MAGI2: variants seen among roughly 807,000 people sequenced by gnomAD.
The protein encoded by MAGI2 is membrane associated guanylate kinase, WW and PDZ domain containing 2, also known as membrane-associated guanylate kinase, WW and PDZ domain-containing protein 2.
MAGI2 carries 35 observed loss-of-function variants against 133.3 expected under a neutral mutation model. The ratio of observed to expected loss-of-function variants is 0.26; its 90% CI spans 0.20 to 0.35. MAGI2 has a LOEUF of 0.35. Ranked by LOEUF, MAGI2 falls within the 10% of genes least tolerant of loss-of-function variation. The pLI, the probability that MAGI2 is intolerant of heterozygous loss-of-function variation, is 1.00. For synonymous variants in MAGI2, 729 were observed against 710.6 expected (o/e 1.03, Z -0.41); for missense variants, 1,636 against 1,863.4 (o/e 0.88, Z 2.25).
intron 21 of MAGI2, among the ~76,000 whole-genome samples, chr7:78,033,523 C>T (rs1563028695): frequency 6.6e-6 from 1 of 151,234 alleles, no homozygotes; most frequent in Non-Finnish European, 1.5e-5. Flanking sequence ...TTTATACAGG[C>T]TTGTGCAAGG....
intron 1 of MAGI2, among the ~76,000 whole-genome samples, chr7:79,432,909 A>C (rs1847872341): frequency 6.6e-6 from 1 of 152,168 alleles, no homozygotes; most frequent in Non-Finnish European, 1.5e-5. Flanking sequence ...ATGGAGGAAG[A>C]AGCTTTTGCT....
intron 3 of MAGI2, among the ~76,000 whole-genome samples, chr7:78,598,311 AATAT>A (rs1326240456): frequency 6.6e-6 from 1 of 152,134 alleles, no homozygotes; most frequent in African/African-American, 2.4e-5. Context: ...GAGCTCTGGA[AATAT>A]ATTAGACGGT....
intron 1 of MAGI2, among the ~76,000 whole-genome samples, chr7:79,300,935 A>G (rs994786563): frequency 6.6e-6 from 1 of 152,260 alleles, no homozygotes; most frequent in African/African-American, 2.4e-5. Context: ...CTCAGGCTGC[A>G]GCTCCAGAGG....
chr7:78,661,184 A>G (rs1394045860), intron 2 of MAGI2, among the ~76,000 whole-genome samples: 1 of 152,216 alleles, frequency 6.6e-6, no homozygotes, highest in African/African-American at 2.4e-5. Flanking sequence ...AGACAATGAG[A>G]CACAGGTAAG....
intron 11 of MAGI2, among the ~76,000 whole-genome samples, chr7:78,196,211 AGAG>A (rs1828716690): frequency 6.6e-6 from 1 of 151,844 alleles, no homozygotes; most frequent in Non-Finnish European, 1.5e-5. Flanking sequence ...TACTAGATTC[AGAG>A]GAGGTGTCTC....
At chr7:78,545,250 T>C (rs543110366) in intron 3 of MAGI2, among the ~76,000 whole-genome samples, 1 of 135,878 alleles carries the variant, frequency 7.4e-6, no homozygotes, top group African/African-American at 2.8e-5. Flanking sequence ...AGTCTTGCTG[T>C]CATCCAGGCT....
At chr7:78,797,888 GC>G (rs1490697635) in intron 2 of MAGI2, among the ~76,000 whole-genome samples, 2 of 151,914 alleles carry the variant, frequency 1.3e-5, no homozygotes, top group African/African-American at 4.8e-5. Flanking sequence ...ATAATAGGGT[GC>G]ATGGGTGCAT....
At chr7:78,852,133 G>T (rs1793190431) in intron 2 of MAGI2, among the ~76,000 whole-genome samples, 1 of 151,796 alleles carries the variant, frequency 6.6e-6, no homozygotes, top group South Asian at 2.1e-4. Flanking sequence ...TATTATTCGG[G>T]GTTAATTTGT....
intron 1 of MAGI2, among the ~76,000 whole-genome samples, chr7:79,055,268 A>G (rs1343295619): frequency 6.9e-6 from 1 of 144,204 alleles, no homozygotes; most frequent in Non-Finnish European, 1.5e-5. Flanking sequence ...TAAAACATAA[A>G]CTTTGTAAGG....
intron 1 of MAGI2, among the ~76,000 whole-genome samples, chr7:79,017,395 C>T (rs141555702): frequency 0.019 from 2,829 of 152,234 alleles, 39 homozygotes; most frequent in Non-Finnish European, 0.022. Context: ...CATAATCAAC[C>T]CCCCAAGGAC....
At chr7:78,216,890 G>T (rs1007890423) in intron 10 of MAGI2, among the ~76,000 whole-genome samples, 2 of 152,314 alleles carry the variant, frequency 1.3e-5, no homozygotes, top group Middle Eastern at 6.8e-3. Flanking sequence ...GGTAGGGTTG[G>T]TTCCTGCTAA....
At chr7:79,161,983 T>G (rs1224689855) in intron 1 of MAGI2, among the ~76,000 whole-genome samples, 1 of 152,002 alleles carries the variant, frequency 6.6e-6, no homozygotes, top group Non-Finnish European at 1.5e-5. Flanking sequence ...TTTATGCAAA[T>G]AATCAGGCAA....
rs191965124 is a variant in MAGI2 at position 78,990,339 on chromosome 7, A to T, written c.418+16751T>A. 1.6e-3 allele frequency among the ~76,000 whole-genome samples: 251 copies of T among 152,222 alleles called. 3 individuals carry two copies. Among genetic ancestry groups the T allele is most frequent in the Non-Finnish European group, 1.0e-3 (68 of 67,998 alleles). On this transcript the variant is annotated intron_variant, in intron 2 of 21. Coordinates refer to ENST00000354212, the MANE Select transcript of MAGI2 (RefSeq NM_012301.4). ...CTGGAAAAAAAATAGTAAGAAGAAT[A>T]TAGTTCAAACCTTCTAATCAAGTTT...
chr7:78,666,864 T>C (rs73380212), intron 2 of MAGI2, among the ~76,000 whole-genome samples: 2,336 of 152,304 alleles, frequency 0.015, 68 homozygotes, highest in African/African-American at 0.053. Context: ...TTCAGATTCT[T>C]AGTCTATTGC....
chr7:78,300,608 G>A (rs567598914), intron 9 of MAGI2, among the ~76,000 whole-genome samples: 20 of 152,180 alleles, frequency 1.3e-4, no homozygotes, highest in Admixed American at 5.2e-4. Context: ...TCAAAATGGG[G>A]AAGAAAGTTG....
intron 1 of MAGI2, among the ~76,000 whole-genome samples, chr7:79,015,579 G>T (rs897310585): frequency 6.6e-6 from 1 of 152,180 alleles, no homozygotes; most frequent in African/African-American, 2.4e-5. Flanking sequence ...TCTGTGTTGT[G>T]ATGGATCAGT....
chr7:79,217,502 A>G lies in MAGI2; in HGVS notation c.302-210296T>C, dbSNP rs570782987. Among the ~76,000 whole-genome samples the G allele has an allele frequency of 5.0e-4, 76 of 152,116 alleles. 1 individual carries two copies. The highest frequency in any genetic ancestry group is 1.7e-3 in the African/African-American group (70 of 41,418). ...ATCCTTGTAACCAATGCTATATAGA[A>G]GGTATTTATAATTATCATTTTACTG... is the stretch of plus-strand genomic sequence containing the variant. On this transcript the variant is annotated intron_variant, in intron 1 of 21. Transcript: ENST00000354212.
intron 1 of MAGI2, among the ~76,000 whole-genome samples, chr7:79,025,310 G>A (rs982574922): frequency 6.6e-6 from 1 of 152,068 alleles, no homozygotes; most frequent in African/African-American, 2.4e-5. Flanking sequence ...TTGAGTATGT[G>A]GACACAAAGA....
chr7:78,650,238 G>A (rs1296764075), intron 2 of MAGI2, among the ~76,000 whole-genome samples: 2 of 152,140 alleles, frequency 1.3e-5, no homozygotes, highest in East Asian at 1.9e-4. Flanking sequence ...CACAAAGCAC[G>A]CATTAGAAAT....
Sources: gnomAD v4.1 joint callset for allele counts (sites outside exome capture counted in the v4.1 genomes callset) on GRCh38, gnomAD v4.1.1 for gene constraint, MANE v1.5 for transcripts, NCBI Gene and HGNC (gene_info 2026-07-23, HGNC 2026-07-21) for gene names.